INTU: variants seen among roughly 807,000 people sequenced by gnomAD.
INTU encodes the protein protein inturned.
In INTU, 68 loss-of-function variants were observed where a neutral mutation model predicts 100.5. The ratio of observed to expected loss-of-function variants is 0.68; its 90% CI spans 0.56 to 0.83. INTU has a LOEUF of 0.83. Ranked by LOEUF, INTU falls within the 40% of genes least tolerant of loss-of-function variation. The pLI, the probability that INTU is intolerant of heterozygous loss-of-function variation, is 0.00. For missense variants in INTU, 1,071 were observed against 1,114.7 expected (o/e 0.96, Z 0.56); for synonymous variants, 357 against 395.7 (o/e 0.90, Z 1.16).
At chr4:127,659,716 G>A (rs1043409265) in intron 3 of INTU, among the ~76,000 whole-genome samples, 1 of 152,122 alleles carries the variant, frequency 6.6e-6, no homozygotes, top group Non-Finnish European at 1.5e-5. Flanking sequence ...ATTTCATTTA[G>A]TACTGGGCCA....
chr4:127,713,576 A>T (rs1443272010), intron 14 of INTU, among the ~76,000 whole-genome samples: 1 of 152,200 alleles, frequency 6.6e-6, no homozygotes, highest in Non-Finnish European at 1.5e-5. Context: ...TGCTGGTTTT[A>T]AAACACACAA....
At chr4:127,660,184 G>A (rs1728414705) in intron 3 of INTU, among the ~76,000 whole-genome samples, 1 of 152,114 alleles carries the variant, frequency 6.6e-6, no homozygotes, top group Non-Finnish European at 1.5e-5. Flanking sequence ...CGGGGATGGA[G>A]GAGGAGATTA....
At position 127,706,656 on chromosome 4, in the gene INTU, G is replaced by C; in HGVS notation, c.1958G>C (p.Cys653Ser). ...CGGCTAGCATCTTCTCCAGTCCCCT[G>C]TTTGTCTTGTGCTGACTGGTTCCTT... ...DERLASSPVP[C>S]LSCADWFLTG... Residue 653 changes from cysteine (C) to serine (S), a missense_variant, in exon 12 of 16, where the codon TGT becomes TCT. Transcript: ENST00000335251. The C allele has an allele frequency of 1.2e-6, 2 of 1,614,052 alleles. No individual in the cohort carries two copies. The highest frequency in any genetic ancestry group is 2.2e-5 in the South Asian group (2 of 91,082).
At chr4:127,692,013 T>C (rs897159073) in intron 8 of INTU, among the ~76,000 whole-genome samples, 1 of 142,254 alleles carries the variant, frequency 7.0e-6, no homozygotes. Flanking sequence ...CGTTGATTAA[T>C]GGGCATCTGG....
At chr4:127,655,714 A>T (rs1360626439) in intron 2 of INTU, among the ~76,000 whole-genome samples, 1 of 152,222 alleles carries the variant, frequency 6.6e-6, no homozygotes, top group East Asian at 1.9e-4. Context: ...GAGCCTACAG[A>T]GGCAGGCAGG....
chr4:127,703,178 T>G (rs1161088578), intron 9 of INTU, among the ~76,000 whole-genome samples: 1 of 152,234 alleles, frequency 6.6e-6, no homozygotes, highest in African/African-American at 2.4e-5. Flanking sequence ...TCCTTAATAT[T>G]GCTGAATAGT....
intron 8 of INTU, among the ~76,000 whole-genome samples, chr4:127,690,713 T>A (rs1730077958): frequency 6.6e-6 from 1 of 152,168 alleles, no homozygotes; most frequent in Non-Finnish European, 1.5e-5. Context: ...AGGTTCACAG[T>A]AAAATTGAGA....
At chr4:127,635,391 A>G (rs182768557) in intron 1 of INTU, among the ~76,000 whole-genome samples, 39 of 152,258 alleles carry the variant, frequency 2.6e-4, no homozygotes, top group Non-Finnish European at 5.3e-4. Flanking sequence ...CAGAAATCAC[A>G]CATTCACCTG....
intron 6 of INTU, among the ~76,000 whole-genome samples, chr4:127,678,675 A>C (rs1462281639): frequency 6.6e-6 from 1 of 152,356 alleles, no homozygotes; most frequent in South Asian, 2.1e-4. Context: ...CATCGAGGCT[A>C]GGAAGAAACT....
In INTU at chr4:127,707,392, CAAAAAAA is replaced by C. The variant is rs71587331; in HGVS notation, c.2271+442_2271+448del. 4.3e-3 allele frequency among the ~76,000 whole-genome samples: 192 copies of C among 44,586 alleles called. 2 individuals are homozygous for C. Among genetic ancestry groups the C allele is most frequent in the South Asian group, 0.01 (8 of 766 alleles). 29.3% of individuals were successfully genotyped at this position (44,586 alleles called of 152,430 possible). On this transcript the variant is annotated intron_variant, in intron 12 of 15. Transcript: ENST00000335251. ...TGGGTGACAGAGTGAGACTCTGTCT[CAAAAAAA>C]AAAAAAAAAAAAAAAAAAGAAATAT...
intron 1 of INTU, among the ~76,000 whole-genome samples, chr4:127,635,328 T>G (rs1426019231): frequency 6.6e-6 from 1 of 152,056 alleles, no homozygotes; most frequent in African/African-American, 2.4e-5. Context: ...GAGATAATAC[T>G]GGTGGGTTGG....
intron 6 of INTU, chr4:127,675,890 C>T (rs752432455): frequency 3.3e-6 from 1 of 306,794 alleles, no homozygotes; most frequent in South Asian, 2.7e-5. Context: ...TAATTTCCAC[C>T]ATTCTGTTTG....
chr4:127,686,976 A>T (rs546929988), intron 7 of INTU: 6 of 152,290 alleles, frequency 3.9e-5, no homozygotes, highest in African/African-American at 1.4e-4. Flanking sequence ...TGTTACTTTT[A>T]TATGGCTAAA....
chr4:127,671,729 T>C (rs1396833606), intron 5 of INTU, among the ~76,000 whole-genome samples: 1 of 151,856 alleles, frequency 6.6e-6, no homozygotes, highest in Non-Finnish European at 1.5e-5. Flanking sequence ...CATCAACAGA[T>C]GACTGGATAA....
rs562585196 is a variant in INTU, at chr4:127,667,867, G to A, written c.973-1169G>A. The stretch of plus-strand genomic sequence containing the variant: ...TGCTTACTAAGTATAAAAAGCAGAT[G>A]TCTCCACTTTATTTATATTTGTCAT... On this transcript the variant is annotated intron_variant, in intron 4 of 15. Coordinates refer to ENST00000335251, the MANE Select transcript of INTU (RefSeq NM_015693.4). Among the ~76,000 whole-genome samples the A allele has an allele frequency of 5.9e-5, 9 of 152,138 alleles. No homozygotes were observed. The East Asian group carries it at 1.7e-3, about 29-fold the overall frequency.
Position 127,643,775 on chromosome 4 carries a change from A to T in INTU, c.401A>T (p.Asn134Ile), listed in dbSNP as rs1295031258. The T allele has an allele frequency of 1.2e-6, 2 of 1,613,788 alleles. No individual in the cohort carries two copies. Among genetic ancestry groups the T allele is most frequent in the Non-Finnish European group, 1.7e-6 (2 of 1,179,966 alleles). Residue 134 changes from asparagine to isoleucine, a missense_variant, in exon 2 of 16, where the codon AAT becomes ATT. By Grantham distance (149) the Asn-to-Ile change is moderately radical. Coordinates refer to ENST00000335251, the MANE Select transcript of INTU (RefSeq NM_015693.4). ...LPKRCNKKNSNDNGPVSILKH... is the reference protein window; with the variant it reads ...LPKRCNKKNSIDNGPVSILKH... ...AAGCGCTGCAATAAAAAAAATAGCA[A>T]TGACAATGGACCAGTATCCATTCTA... is the stretch of plus-strand genomic sequence containing the variant.
intron 5 of INTU, among the ~76,000 whole-genome samples, chr4:127,672,586 C>A (rs1299812133): frequency 2.0e-5 from 3 of 149,802 alleles, no homozygotes; most frequent in African/African-American, 7.4e-5. Flanking sequence ...GCAGTAAATA[C>A]AGCTAGAAAA....
intron 8 of INTU, among the ~76,000 whole-genome samples, chr4:127,689,403 G>A (rs1240772055): frequency 6.6e-6 from 1 of 152,102 alleles, no homozygotes; most frequent in Non-Finnish European, 1.5e-5. Context: ...TAATCCTCGT[G>A]CTTTGGGAGA....
chr4:127,713,809 C>T, intron 14 of INTU, 127 bp from the exon 15 acceptor site: 2 of 605,008 alleles, frequency 3.3e-6, no homozygotes. Context: ...AATTTTCCTG[C>T]AGATAAGAAG....
Sources: allele counts gnomAD v4.1 joint callset (sites outside exome capture counted in the v4.1 genomes callset), GRCh38; gene constraint gnomAD v4.1.1; transcripts MANE v1.5; gene names NCBI Gene and HGNC (gene_info 2026-07-23, HGNC 2026-07-21).